Variants in CREB5 observed in about 807,000 individuals in gnomAD.
CREB5 encodes the protein cyclic AMP-responsive element-binding protein 5.
Under a neutral mutation model 57.1 loss-of-function variants are expected in CREB5, and 19 were observed. The ratio of observed to expected loss-of-function variants is 0.33; its 90% confidence interval spans 0.23 to 0.49. The LOEUF (loss-of-function observed/expected upper bound fraction) is 0.49, where lower values mean the gene tolerates loss of function less well. Ranked by LOEUF, CREB5 falls within the 20% of genes least tolerant of loss-of-function variation. CREB5 has a pLI of 0.99. For synonymous variants in CREB5, 238 were observed against 238.3 expected, an observed-to-expected ratio of 1.00 and a Z score of 0.01; for missense variants, 579 against 671.6, an observed-to-expected ratio of 0.86 and a Z score of 1.52.
At chr7:28,775,441 A>G (rs1046244737) in intron 7 of CREB5, among the ~76,000 whole-genome samples, 7 of 151,692 alleles carry the variant, frequency 4.6e-5, no homozygotes, top group Non-Finnish European at 1.0e-4. Flanking sequence ...ACTACCTATC[A>G]TGCAGAAGCC....
chr7:28,536,908 TCTAA>T (rs1316697776), intron 4 of CREB5, among the ~76,000 whole-genome samples: 4 of 152,202 alleles, frequency 2.6e-5, no homozygotes, highest in Non-Finnish European at 5.9e-5. Context: ...GAAGCCCAAA[TCTAA>T]CTAACACTGG....
intron 4 of CREB5, among the ~76,000 whole-genome samples, chr7:28,556,185 G>A (rs1343779745): frequency 1.3e-5 from 2 of 152,076 alleles, no homozygotes; most frequent in African/African-American, 2.4e-5. Flanking sequence ...AGTTGAGCTC[G>A]GCACGGTAAT....
At chr7:28,528,556 T>C (rs1454795028) in intron 4 of CREB5, among the ~76,000 whole-genome samples, 1 of 151,662 alleles carries the variant, frequency 6.6e-6, no homozygotes, top group East Asian at 1.9e-4. Flanking sequence ...AACACAAAAT[T>C]AGCCAAGTGT....
chr7:28,417,738 T>G (rs1420829143), intron 1 of CREB5, among the ~76,000 whole-genome samples: 1 of 152,240 alleles, frequency 6.6e-6, no homozygotes, highest in Non-Finnish European at 1.5e-5. Flanking sequence ...GGAAAGGGAT[T>G]GCAGTAAAGC....
chr7:28,529,792 C>T (rs1042471468), intron 4 of CREB5, among the ~76,000 whole-genome samples: 24 of 152,268 alleles, frequency 1.6e-4, no homozygotes, highest in Admixed American at 4.6e-4. Flanking sequence ...TGTTTGTTTC[C>T]TCAACCCAAC....
At chr7:28,761,947 A>G (rs1017385627) in intron 7 of CREB5, among the ~76,000 whole-genome samples, 6 of 147,464 alleles carry the variant, frequency 4.1e-5, no homozygotes, top group African/African-American at 1.5e-4. Context: ...CAACATAAAG[A>G]TAAAGTAGTG....
At chr7:28,693,708 A>G (rs1207554036) in intron 5 of CREB5, among the ~76,000 whole-genome samples, 1 of 152,194 alleles carries the variant, frequency 6.6e-6, no homozygotes, top group African/African-American at 2.4e-5. Flanking sequence ...AATCTATTGA[A>G]GCTTTCTGAG....
intron 1 of CREB5, among the ~76,000 whole-genome samples, chr7:28,343,243 A>T (rs920834245): frequency 2.7e-4 from 41 of 152,186 alleles, no homozygotes; most frequent in African/African-American, 9.9e-4. Flanking sequence ...CCTGGCCTGA[A>T]ATATGTAATA....
At position 28,786,540 on chromosome 7, in the gene CREB5, G is replaced by A. The variant is rs572780786; in HGVS notation, c.703-17659G>A. Among the ~76,000 whole-genome samples the A allele has an allele frequency of 2.1e-3, 325 of 152,252 alleles. 1 individual carries two copies. Among genetic ancestry groups the A allele is most frequent in the African/African-American group, 6.4e-3 (266 of 41,534 alleles). ...TGGGATTACAGGTGTGAGCCACTGC[G>A]CCAGGCCTATGGCCTACCTAGGTAC... On this transcript the variant is annotated intron_variant, in intron 7 of 10. Coordinates refer to ENST00000357727, the MANE Select transcript of CREB5 (RefSeq NM_182898.4).
At chr7:28,762,907 C>T (rs2073537) in intron 7 of CREB5, among the ~76,000 whole-genome samples, 98,082 of 151,946 alleles carry the variant, frequency 0.65, 32,375 homozygotes, top group East Asian at 0.76. Flanking sequence ...AATCATTGTT[C>T]AGAATAAATA....
intron 1 of CREB5, among the ~76,000 whole-genome samples, chr7:28,447,253 T>A (rs951719922): frequency 6.6e-6 from 1 of 152,188 alleles, no homozygotes; most frequent in South Asian, 2.1e-4. Flanking sequence ...GCTCAACAAA[T>A]GGTAGTTCTT....
intron 1 of CREB5, among the ~76,000 whole-genome samples, chr7:28,475,250 C>CTTT (rs530903709): frequency 6.7e-5 from 4 of 59,586 alleles, no homozygotes; most frequent in African/African-American, 1.5e-4. Context: ...TCAGAAGTTT[C>CTTT]TTTTTTTTTT....
chr7:28,330,585 G>T (rs1375914113), intron 1 of CREB5, among the ~76,000 whole-genome samples: 1 of 150,028 alleles, frequency 6.7e-6, no homozygotes, highest in Non-Finnish European at 1.5e-5. Context: ...TTTGTAATAC[G>T]CTTAGATCTT....
rs1308050615 is a variant in CREB5, at chr7:28,560,923, C to CGTGCGTGT, written c.292-9441_292-9440insTGCGTGTG. Among the ~76,000 whole-genome samples the CGTGCGTGT allele has an allele frequency of 1.5e-4, 3 of 19,848 alleles. No homozygotes were observed. In the East Asian group the frequency reaches 3.1e-3, roughly 20 times the overall value. The allele number at this position is 19,848 out of a possible 152,430, so 13.0% of individuals were successfully genotyped here. On this transcript the variant is annotated intron_variant, in intron 4 of 10. Transcript: ENST00000357727. The stretch of plus-strand genomic sequence containing the variant: ...GTGCGCGCGTGCGTGTGCGTGTGTG[C>CGTGCGTGT]GCGTGCGTGTGTGCGTGCGTGTGTG...
intron 5 of CREB5, among the ~76,000 whole-genome samples, chr7:28,717,611 C>T (rs1802771739): frequency 6.6e-6 from 1 of 152,166 alleles, no homozygotes; most frequent in African/African-American, 2.4e-5. Flanking sequence ...AAGTATTGCC[C>T]TACCCAGAAC....
intron 5 of CREB5, among the ~76,000 whole-genome samples, chr7:28,690,815 A>G (rs1343715139): frequency 6.6e-6 from 1 of 152,124 alleles, no homozygotes; most frequent in African/African-American, 2.4e-5. Context: ...AGCATCACTT[A>G]GCCTTCTTCT....
intron 1 of CREB5, among the ~76,000 whole-genome samples, chr7:28,395,554 C>T (rs891982233): frequency 2.0e-5 from 3 of 152,194 alleles, no homozygotes; most frequent in Non-Finnish European, 4.4e-5. Flanking sequence ...TTCCAACTGG[C>T]TTCCTTGGGT....
intron 1 of CREB5, among the ~76,000 whole-genome samples, chr7:28,373,564 T>C (rs192499096): frequency 2.0e-5 from 3 of 151,376 alleles, no homozygotes; most frequent in African/African-American, 7.3e-5. Context: ...ACTGGGACCA[T>C]AGGCACATGC....
chr7:28,805,459 G>A (rs1562653583), intron 8 of CREB5, among the ~76,000 whole-genome samples: 1 of 152,220 alleles, frequency 6.6e-6, no homozygotes, highest in South Asian at 2.1e-4. Context: ...GAATCAGAAG[G>A]GTGTCGGAAG....
Sources: allele counts gnomAD v4.1 joint callset (sites outside exome capture counted in the v4.1 genomes callset), GRCh38; gene constraint gnomAD v4.1.1; transcripts MANE v1.5; gene names NCBI Gene and HGNC (gene_info 2026-07-23, HGNC 2026-07-21).